The following MAFA variants were observed in gnomAD, a reference collection of about 807,000 sequenced individuals.
The protein encoded by MAFA is transcription factor MafA.
For missense variants in MAFA, 547 were observed against 538.0 expected (o/e 1.02, Z -0.16); for synonymous variants, 244 against 260.3 (o/e 0.94, Z 0.60).
In MAFA at chr8:143,429,380, C is replaced by T; in HGVS notation, c.1027G>A (p.Gly343Ser). The change falls in exon 1 of 1, where the codon GGC (glycine) becomes AGC (serine). Residue 343 changes from glycine (G) to serine (S), a missense_variant. Transcript: ENST00000333480. This position sits in a 1 kb window ranked among gnomAD's most constrained non-coding sequence, Gnocchi z 5.9. ...REPSPPQAGP[G>S]GAKGTADFFL ...AAGTCGGCCGTGCCCTTGGCCCCGCCGGGACCGGCCTGCGGCGGCGAAGGC... is the reference window on the plus strand; with the variant it reads ...AAGTCGGCCGTGCCCTTGGCCCCGCTGGGACCGGCCTGCGGCGGCGAAGGC... The T allele has an allele frequency of 1.4e-6, 2 of 1,417,558 alleles. No individual in the cohort carries two copies. The highest frequency in any genetic ancestry group is 1.8e-6 in the Non-Finnish European group (2 of 1,097,326). 87.8% of individuals were successfully genotyped at this position (1,417,558 alleles called of 1,614,324 possible).
rs1489777047 is a variant in MAFA, at chr8:143,429,301, G to GA, written c.*43dup. On this transcript the variant is annotated 3_prime_UTR_variant, in exon 1 of 1. Transcript: ENST00000333480. The surrounding 1 kb of genome is among the most constrained non-coding windows in gnomAD (Gnocchi z 5.9). The stretch of plus-strand genomic sequence containing the variant: ...AGCCGAGGCCCCGAGAGGCCTGCGC[G>GA]AACTTGTCCCCGGCGACGGCGGCGC... 1 of 1,304,730 alleles carries GA rather than the reference G, an allele frequency of 7.7e-7. No individual in the cohort carries two copies. Among genetic ancestry groups the GA allele is most frequent in the Non-Finnish European group, 9.6e-7 (1 of 1,036,728 alleles). 80.8% of individuals were successfully genotyped at this position (1,304,730 alleles called of 1,614,324 possible).
rs1819478017 is a variant in MAFA, at chr8:143,428,165, C to G, written c.*1180G>C. On this transcript the variant is annotated 3_prime_UTR_variant, in exon 1 of 1. Transcript: ENST00000333480. ...AAAACCAACTACACAACAAAACTTT[C>G]AACGAGTCGGCGCGCCTTCCACTCC... 2 of 152,244 alleles carry G rather than the reference C, an allele frequency of 1.3e-5. No individual in the cohort carries two copies. The highest frequency in any genetic ancestry group is 3.8e-4 in the East Asian group (2 of 5,196). 9.4% of individuals were successfully genotyped at this position (152,244 alleles called of 1,614,324 possible).
rs1463577151 is a variant in MAFA, at chr8:143,429,994, G to T, written c.413C>A (p.Ala138Glu). 7.4e-7 allele frequency: 1 copy of T among 1,349,850 alleles called. No individual in the cohort carries two copies. Among genetic ancestry groups the T allele is most frequent in the Non-Finnish European group, 9.6e-7 (1 of 1,043,630 alleles). 83.6% of individuals were successfully genotyped at this position (1,349,850 alleles called of 1,614,324 possible). Reference protein sequence around the residue: ...PEALNLTPEDAVEALIGSGHH... With the variant: ...PEALNLTPEDEVEALIGSGHH... Reference sequence around the variant, plus strand: ...GCCGCTGCCGATGAGCGCCTCCACCGCGTCCTCGGGCGTCAGGTTGAGCGC... The same window carrying T: ...GCCGCTGCCGATGAGCGCCTCCACCTCGTCCTCGGGCGTCAGGTTGAGCGC... Residue 138 changes from alanine (A) to glutamate (E), a missense_variant, in exon 1 of 1, where the codon GCG (alanine) becomes GAG (glutamate). Physicochemically the swap from Ala to Glu is moderately radical, Grantham distance 107. Transcript: ENST00000333480. The surrounding 1 kb of genome is among the most constrained non-coding windows in gnomAD (Gnocchi z 5.9).
Position 143,429,537 on chromosome 8 carries a change from C to G in MAFA, c.870G>C (p.Gln290His), listed in dbSNP as rs773390216. The change falls in exon 1 of 1, where the codon CAG becomes CAC. Residue 290 changes from glutamine to histidine, a missense_variant. Coordinates refer to ENST00000333480, the MANE Select transcript of MAFA (RefSeq NM_201589.4). This position sits in a 1 kb window ranked among gnomAD's most constrained non-coding sequence, Gnocchi z 5.9. ...HILESEKCQL[Q>H]SQVEQLKLEV... is the part of the protein sequence containing the mutation. ...CCAGCTTCAGCTGCTCCACCTGGCTCTGGAGTTGGCACTTCTCGCTCTCCA... is the reference window on the plus strand; with the variant it reads ...CCAGCTTCAGCTGCTCCACCTGGCTGTGGAGTTGGCACTTCTCGCTCTCCA... 1.2e-6 allele frequency: 2 copies of G among 1,605,496 alleles called. No homozygotes were observed. Among genetic ancestry groups the G allele is most frequent in the Non-Finnish European group, 8.5e-7 (1 of 1,179,560 alleles).
In MAFA at chr8:143,429,981, G is replaced by T; in HGVS notation, c.426C>A (p.Leu142=). The T allele has an allele frequency of 7.6e-7, 1 of 1,313,382 alleles. No individual in the cohort carries two copies. The highest frequency in any genetic ancestry group is 1.9e-5 in the South Asian group (1 of 52,290). 81.4% of individuals were successfully genotyped at this position (1,313,382 alleles called of 1,614,324 possible). A position where few individuals can be genotyped will look rare whatever the true frequency, so the allele number is the denominator to read the frequency against. ...GCGCGCCGTGGTGGCCGCTGCCGAT[G>T]AGCGCCTCCACCGCGTCCTCGGGCG... ...NLTPEDAVEA[L]IGSGHHGAHH... is the part of the protein sequence containing the mutation. Residue 142 remains leucine, a synonymous_variant, in exon 1 of 1, where the codon CTC becomes CTA. Transcript: ENST00000333480. This position sits in a 1 kb window ranked among gnomAD's most constrained non-coding sequence, Gnocchi z 5.9.
rs1819525373 is a variant in MAFA, at chr8:143,430,512, G to A, written c.-106C>T. The A allele has an allele frequency of 5.2e-6, 1 of 190,826 alleles. No homozygotes were observed. Among genetic ancestry groups the A allele is most frequent in the Non-Finnish European group, 9.4e-6 (1 of 106,406 alleles). 11.8% of individuals were successfully genotyped at this position (190,826 alleles called of 1,614,324 possible). ...TCCCCGCGGGCGGCGGTCCCGGCGG[G>A]GGCGGGGGGGCGCCGGCGCGGGGCG... On this transcript the variant is annotated 5_prime_UTR_variant, in exon 1 of 1. Transcript: ENST00000333480.
In MAFA at chr8:143,430,152, G is replaced by A. The variant is rs1415070614; in HGVS notation, c.255C>T (p.Gly85=). The part of the protein sequence containing the change: ...TGGGGGAGGG[G]GSSQAGGAPG... Reference sequence around the variant, plus strand: ...GGGCGCCCCCGGCCTGAGACGAGCCGCCGCCGCCCCCCGCGCCGCCGCCGC... The same window carrying A: ...GGGCGCCCCCGGCCTGAGACGAGCCACCGCCGCCCCCCGCGCCGCCGCCGC... Residue 85 remains glycine (G), a synonymous_variant, in exon 1 of 1, where the codon GGC becomes GGT. Coordinates refer to ENST00000333480, the MANE Select transcript of MAFA (RefSeq NM_201589.4). 9.1e-6 allele frequency: 10 copies of A among 1,101,814 alleles called. No individual in the cohort carries two copies. Among genetic ancestry groups the A allele is most frequent in the South Asian group, 3.6e-5 (1 of 28,044 alleles). The allele number at this position is 1,101,814 out of a possible 1,614,324, so 68.3% of individuals were successfully genotyped here.
rs1819499241 is a variant in MAFA at position 143,429,571 on chromosome 8, C to T, written c.836G>A (p.Arg279Gln). Residue 279 changes from arginine (R) to glutamine (Q), a missense_variant, in exon 1 of 1, where the codon CGG becomes CAG. By Grantham distance (43) the Arg-to-Gln change is conservative (BLOSUM62 1). Transcript: ENST00000333480. The surrounding 1 kb of genome is among the most constrained non-coding windows in gnomAD (Gnocchi z 5.9). Reference sequence around the variant, plus strand: ...GCACTTCTCGCTCTCCAGAATGTGCCGCTGCTGCACCCGCTTGAAGCGGCA... The same window carrying T: ...GCACTTCTCGCTCTCCAGAATGTGCTGCTGCTGCACCCGCTTGAAGCGGCA... ...QSCRFKRVQQRHILESEKCQL... is the reference protein window; with the variant it reads ...QSCRFKRVQQQHILESEKCQL... 6.2e-7 allele frequency: 1 copy of T among 1,604,040 alleles called. No individual in the cohort carries two copies. The highest frequency in any genetic ancestry group is 8.5e-7 in the Non-Finnish European group (1 of 1,179,454).
rs1819489118 is a variant in MAFA at position 143,428,884 on chromosome 8, CT to C, written c.*460del. On this transcript the variant is annotated 3_prime_UTR_variant, in exon 1 of 1. Transcript: ENST00000333480. ...TCACCAAGCATAATAATTATAAATA[CT>C]TCGAAAATAAGACCGATTTTAAAAC... The C allele has an allele frequency of 6.5e-6, 1 of 152,756 alleles. No individual in the cohort carries two copies. The highest frequency in any genetic ancestry group is 2.4e-5 in the African/African-American group (1 of 41,374). The allele number at this position is 152,756 out of a possible 1,614,324, so 9.5% of individuals were successfully genotyped here. A position where few individuals can be genotyped will look rare whatever the true frequency, so the allele number is the denominator to read the frequency against.
chr8:143,429,835 G>GCGTGGTGCGCGC lies in MAFA; in HGVS notation c.560_571dup (p.Gly187_His190dup). On this transcript the variant is annotated inframe_insertion, in exon 1 of 1. Coordinates refer to ENST00000333480, the MANE Select transcript of MAFA (RefSeq NM_201589.4). The surrounding 1 kb of genome is among the most constrained non-coding windows in gnomAD (Gnocchi z 5.9). The stretch of plus-strand genomic sequence containing the variant: ...GTGGGCGGCGTGGTGATGGTGGGCG[G>GCGTGGTGCGCGC]CGTGGTGCGCGCCGTGGTGGTGGCC... The GCGTGGTGCGCGC allele has an allele frequency of 6.9e-7, 1 of 1,452,336 alleles. No homozygotes were observed. The highest frequency in any genetic ancestry group is 9.0e-7 in the Non-Finnish European group (1 of 1,108,050). 90.0% of individuals were successfully genotyped at this position (1,452,336 alleles called of 1,614,324 possible). A position where few individuals can be genotyped will look rare whatever the true frequency, so the allele number is the denominator to read the frequency against.
Position 143,429,704 on chromosome 8 carries a change from T to G in MAFA, c.703A>C (p.Met235Leu). Residue 235 changes from methionine (M) to leucine (L), a missense_variant, in exon 1 of 1, where the codon ATG becomes CTG. Coordinates refer to ENST00000333480, the MANE Select transcript of MAFA (RefSeq NM_201589.4). The surrounding 1 kb of genome is among the most constrained non-coding windows in gnomAD (Gnocchi z 5.9). Reference protein sequence around the residue: ...ERFSDDQLVSMSVRELNRQLR... With the variant: ...ERFSDDQLVSLSVRELNRQLR... Reference sequence around the variant, plus strand: ...TGCCGGTTCAGCTCGCGCACCGACATGGACACCAGCTGGTCGTCGGAGAAG... The same window carrying G: ...TGCCGGTTCAGCTCGCGCACCGACAGGGACACCAGCTGGTCGTCGGAGAAG... 1 of 1,567,548 alleles carries G rather than the reference T, an allele frequency of 6.4e-7. No individual in the cohort carries two copies. The highest frequency in any genetic ancestry group is 8.6e-7 in the Non-Finnish European group (1 of 1,164,436).
Position 143,430,109 on chromosome 8 carries a change from C to T in MAFA, c.298G>A (p.Gly100Ser). The T allele has an allele frequency of 8.8e-7, 1 of 1,132,226 alleles. No individual in the cohort carries two copies. The highest frequency in any genetic ancestry group is 1.1e-6 in the Non-Finnish European group (1 of 925,188). The allele number at this position is 1,132,226 out of a possible 1,614,324, so 70.1% of individuals were successfully genotyped here. A position where few individuals can be genotyped will look rare whatever the true frequency, so the allele number is the denominator to read the frequency against. Residue 100 changes from glycine to serine, a missense_variant, in exon 1 of 1, where the codon GGC becomes AGC. Gly to Ser is a moderately conservative substitution (Grantham distance 56, BLOSUM62 0). Transcript: ENST00000333480. ...AGGAPGPPSG[G>S]PGAVGGTSGK... ...GAGGTGCCCCCGACGGCGCCGGGGC[C>T]CCCGCTCGGCGGCCCGGGGGCGCCC...
chr8:143,429,805 TG>T lies in MAFA; in HGVS notation c.601del (p.His201ThrfsTer40). On this transcript the variant is annotated frameshift_variant, in exon 1 of 1. Coordinates refer to ENST00000333480, the MANE Select transcript of MAFA (RefSeq NM_201589.4). LOFTEE classifies it low-confidence loss of function (END_TRUNC). The surrounding 1 kb of genome is among the most constrained non-coding windows in gnomAD (Gnocchi z 5.9). ...GCCATGGTGGTGGTGGTGGTGGTGG[TG>T]GTGGTGGGCGGCGTGGTGATGGTGG... ...AAHHHHAAHH[H>X]HHHHHHHGGA... 6.1e-6 allele frequency: 9 copies of T among 1,485,250 alleles called. No homozygotes were observed. The highest frequency in any genetic ancestry group is 2.9e-5 in the African/African-American group (2 of 69,516). 92.0% of individuals were successfully genotyped at this position (1,485,250 alleles called of 1,614,324 possible).
In MAFA at chr8:143,429,611, CGCGGTTCTTG is replaced by C; in HGVS notation, c.786_795del (p.Lys263AlafsTer31). The stretch of plus-strand genomic sequence containing the variant: ...TTGAAGCGGCAGGACTGCGCGTAGC[CGCGGTTCTTG>C]AGCGTGCGCCGCTTCTGCTTGAGCC... On this transcript the variant is annotated frameshift_variant, in exon 1 of 1. Coordinates refer to ENST00000333480, the MANE Select transcript of MAFA (RefSeq NM_201589.4). LOFTEE classifies it low-confidence loss of function (END_TRUNC). This position sits in a 1 kb window ranked among gnomAD's most constrained non-coding sequence, Gnocchi z 5.9. The C allele has an allele frequency of 3.8e-6, 6 of 1,599,212 alleles. No individual in the cohort carries two copies. The highest frequency in any genetic ancestry group is 5.1e-6 in the Non-Finnish European group (6 of 1,178,170).
In MAFA at chr8:143,429,997, T is replaced by A; in HGVS notation, c.410A>T (p.Asp137Val). Residue 137 changes from aspartate (D) to valine (V), a missense_variant, in exon 1 of 1, where the codon GAC becomes GTC. Transcript: ENST00000333480. The surrounding 1 kb of genome is among the most constrained non-coding windows in gnomAD (Gnocchi z 5.9). ...NPEALNLTPE[D>V]AVEALIGSGH... ...GCTGCCGATGAGCGCCTCCACCGCG[T>A]CCTCGGGCGTCAGGTTGAGCGCCTC... 3 of 1,357,352 alleles carry A rather than the reference T, an allele frequency of 2.2e-6. No homozygotes were observed. The highest frequency in any genetic ancestry group is 2.9e-6 in the Non-Finnish European group (3 of 1,047,426). 84.1% of individuals were successfully genotyped at this position (1,357,352 alleles called of 1,614,324 possible).
At position 143,429,140 on chromosome 8, in the gene MAFA, G is replaced by T; in HGVS notation, c.*205C>A. The T allele has an allele frequency of 4.1e-6, 2 of 485,238 alleles. No homozygotes were observed. Among genetic ancestry groups the T allele is most frequent in the Non-Finnish European group, 6.3e-6 (2 of 318,552 alleles). 30.1% of individuals were successfully genotyped at this position (485,238 alleles called of 1,614,324 possible). On this transcript the variant is annotated 3_prime_UTR_variant, in exon 1 of 1. Coordinates refer to ENST00000333480, the MANE Select transcript of MAFA (RefSeq NM_201589.4). This position sits in a 1 kb window ranked among gnomAD's most constrained non-coding sequence, Gnocchi z 5.9. ...AATCACCGTTCTCCGCTCAACCTCAGGACGGCGACCCGGGCCGACGCGCGC... is the reference window on the plus strand; with the variant it reads ...AATCACCGTTCTCCGCTCAACCTCATGACGGCGACCCGGGCCGACGCGCGC...
chr8:143,429,255 C>G lies in MAFA; in HGVS notation c.*90G>C. ...ACGGCCGGGCCGGGCCTGGTGTCCA[C>G]GTCCTGTACCGCGGAGTCCGAGCCG... On this transcript the variant is annotated 3_prime_UTR_variant, in exon 1 of 1. Coordinates refer to ENST00000333480, the MANE Select transcript of MAFA (RefSeq NM_201589.4). The surrounding 1 kb of genome is among the most constrained non-coding windows in gnomAD (Gnocchi z 5.9). 7.9e-7 allele frequency: 1 copy of G among 1,260,420 alleles called. No individual in the cohort carries two copies. Among genetic ancestry groups the G allele is most frequent in the Non-Finnish European group, 9.9e-7 (1 of 1,008,364 alleles). The allele number at this position is 1,260,420 out of a possible 1,614,324, so 78.1% of individuals were successfully genotyped here.
Position 143,429,090 on chromosome 8 carries a change from T to TA in MAFA, c.*254dup. Reference sequence around the variant, plus strand: ...TACAAGCGGACGCTTGGAAAGAAGTTAGACCTGGCTCAAGTTTCCTTAGAA... The same window carrying TA: ...TACAAGCGGACGCTTGGAAAGAAGTTAAGACCTGGCTCAAGTTTCCTTAGAA... On this transcript the variant is annotated 3_prime_UTR_variant, in exon 1 of 1. Transcript: ENST00000333480. The surrounding 1 kb of genome is among the most constrained non-coding windows in gnomAD (Gnocchi z 5.9). 1 of 317,476 alleles carries TA rather than the reference T, an allele frequency of 3.1e-6. No homozygotes were observed. The highest frequency in any genetic ancestry group is 5.1e-5 in the Admixed American group (1 of 19,528). 19.7% of individuals were successfully genotyped at this position (317,476 alleles called of 1,614,324 possible).
Position 143,429,037 on chromosome 8 carries a change from G to A in MAFA, c.*308C>T. 4.5e-6 allele frequency: 1 copy of A among 221,764 alleles called. No individual in the cohort carries two copies. The highest frequency in any genetic ancestry group is 8.7e-6 in the Non-Finnish European group (1 of 114,824). 13.7% of individuals were successfully genotyped at this position (221,764 alleles called of 1,614,324 possible). A position where few individuals can be genotyped will look rare whatever the true frequency, so the allele number is the denominator to read the frequency against. Reference sequence around the variant, plus strand: ...CCCTCTAGGCTGGCAGGGCGAAGGTGGGAACGGAGAACCACGTTCAACGTA... The same window carrying A: ...CCCTCTAGGCTGGCAGGGCGAAGGTAGGAACGGAGAACCACGTTCAACGTA... On this transcript the variant is annotated 3_prime_UTR_variant, in exon 1 of 1. Transcript: ENST00000333480. The surrounding 1 kb of genome is among the most constrained non-coding windows in gnomAD (Gnocchi z 5.9).
Sources: allele counts gnomAD v4.1 joint callset, GRCh38; gene constraint gnomAD v4.1.1; non-coding constraint Gnocchi (gnomAD v3.1); transcripts MANE v1.5; gene names NCBI Gene and HGNC (gene_info 2026-07-23, HGNC 2026-07-21).